Variants in MAGI2 observed in about 807,000 individuals in gnomAD.
MAGI2 encodes the protein membrane-associated guanylate kinase, WW and PDZ domain-containing protein 2.
Under a neutral mutation model 133.3 loss-of-function variants are expected in MAGI2, and 35 were observed. That is an observed-to-expected ratio of 0.26 (90% CI 0.20 to 0.35). MAGI2 has a LOEUF of 0.35. Among genes scored for constraint, MAGI2 ranks in the 10% least tolerant of loss-of-function variants. The pLI is 1.00. For synonymous variants in MAGI2, 729 were observed against 710.6 expected (o/e 1.03, Z -0.41); for missense variants, 1,636 against 1,863.4 (o/e 0.88, Z 2.25).
rs540600827 is a variant in MAGI2, at chr7:78,223,962, AC to A, written c.2048-22770del. Among the ~76,000 whole-genome samples, 427 of 152,310 alleles carry A rather than the reference AC, an allele frequency of 2.8e-3. 1 individual carries two copies. The highest frequency in any genetic ancestry group is 5.0e-3 in the Non-Finnish European group (343 of 68,022). ...CCATGTTTAAGCTTACCGACTTGGT[AC>A]AATTGACTTGCAGAAGCAATTGCTC... On this transcript the variant is annotated intron_variant, in intron 10 of 21. Coordinates refer to ENST00000354212, the MANE Select transcript of MAGI2 (RefSeq NM_012301.4).
At chr7:78,618,584 G>A (rs138064455) in intron 3 of MAGI2, 150 of 151,940 alleles carry the variant, frequency 9.9e-4, no homozygotes, top group African/African-American at 3.4e-3. Flanking sequence ...TTTTCTGGGT[G>A]AATTTTTGAC....
At chr7:78,228,566 C>T (rs1254495433) in intron 10 of MAGI2, among the ~76,000 whole-genome samples, 2 of 152,188 alleles carry the variant, frequency 1.3e-5, no homozygotes, top group Non-Finnish European at 2.9e-5. Flanking sequence ...ACAGCAGAGA[C>T]TCCATGCTTT....
chr7:78,765,925 G>T (rs1824978514), intron 2 of MAGI2, among the ~76,000 whole-genome samples: 1 of 152,224 alleles, frequency 6.6e-6, no homozygotes, highest in Admixed American at 6.5e-5. Context: ...ATGTGTTCCA[G>T]CAGAGGCACC....
At chr7:78,204,517 T>C (rs1011549344) in intron 10 of MAGI2, among the ~76,000 whole-genome samples, 4 of 152,182 alleles carry the variant, frequency 2.6e-5, no homozygotes, top group Non-Finnish European at 5.9e-5. Context: ...TTTAAAATAA[T>C]AGTAATAGTA....
intron 14 of MAGI2, 143 bp from the exon 15 acceptor site, chr7:78,168,251 G>A: frequency 4.6e-6 from 3 of 645,338 alleles, no homozygotes; most frequent in South Asian, 4.2e-5. Context: ...TGCCTCCCAG[G>A]TTCACGCCAT....
At chr7:79,297,575 T>A (rs1050592941) in intron 1 of MAGI2, among the ~76,000 whole-genome samples, 3 of 152,196 alleles carry the variant, frequency 2.0e-5, no homozygotes, top group Non-Finnish European at 4.4e-5. Context: ...ACTCTTCTAG[T>A]TGATGGGAAC....
intron 3 of MAGI2, among the ~76,000 whole-genome samples, chr7:78,536,689 T>C (rs541186367): frequency 2.0e-5 from 3 of 152,214 alleles, no homozygotes; most frequent in Non-Finnish European, 2.9e-5. Flanking sequence ...TGGACATATC[T>C]AAATTTGCTC....
intron 3 of MAGI2, among the ~76,000 whole-genome samples, chr7:78,574,187 T>G (rs1802031299): frequency 1.3e-5 from 2 of 152,180 alleles, no homozygotes; most frequent in Non-Finnish European, 2.9e-5. Context: ...CAAGCCCCAG[T>G]GCCTCCAGTT....
intron 1 of MAGI2, among the ~76,000 whole-genome samples, chr7:79,398,865 C>G (rs949204659): frequency 2.0e-5 from 3 of 151,994 alleles, no homozygotes; most frequent in Admixed American, 2.0e-4. Flanking sequence ...TAGCAAAATA[C>G]AGATGTAAGG....
chr7:78,340,981 A>G (rs1036532592), intron 9 of MAGI2, among the ~76,000 whole-genome samples: 9 of 152,222 alleles, frequency 5.9e-5, no homozygotes, highest in Non-Finnish European at 1.2e-4. Flanking sequence ...AGAAAGAAAT[A>G]AAGCGCATTC....
chr7:78,263,453 G>A (rs983579757), intron 9 of MAGI2, among the ~76,000 whole-genome samples: 2 of 152,026 alleles, frequency 1.3e-5, no homozygotes, highest in African/African-American at 4.8e-5. Context: ...CTCTTAGCTG[G>A]GCTCCCTGAT....
chr7:79,333,281 C>T (rs901252026), intron 1 of MAGI2, among the ~76,000 whole-genome samples: 1 of 152,126 alleles, frequency 6.6e-6, no homozygotes, highest in South Asian at 2.1e-4. Flanking sequence ...GCACGTGCCA[C>T]CATGCCCAGC....
At chr7:78,948,814 A>T (rs993343417) in intron 2 of MAGI2, among the ~76,000 whole-genome samples, 1 of 152,064 alleles carries the variant, frequency 6.6e-6, no homozygotes, top group African/African-American at 2.4e-5. Context: ...CTCAATACGA[A>T]CATATCACAT....
intron 3 of MAGI2, among the ~76,000 whole-genome samples, chr7:78,543,560 T>C (rs1457353166): frequency 1.3e-5 from 2 of 152,208 alleles, no homozygotes; most frequent in Non-Finnish European, 2.9e-5. Context: ...ACTCTCTCCA[T>C]AGAAAAGGGC....
chr7:79,059,015 T>C (rs1476175398), intron 1 of MAGI2, among the ~76,000 whole-genome samples: 2 of 151,680 alleles, frequency 1.3e-5, no homozygotes, highest in Non-Finnish European at 2.9e-5. Flanking sequence ...TAAATAGGAG[T>C]TGTTAACATA....
At chr7:78,830,530 T>G (rs1457459947) in intron 2 of MAGI2, among the ~76,000 whole-genome samples, 2 of 152,354 alleles carry the variant, frequency 1.3e-5, no homozygotes, top group African/African-American at 4.8e-5. Flanking sequence ...AATTTGCTCA[T>G]ATTCACTTTT....
intron 1 of MAGI2, among the ~76,000 whole-genome samples, chr7:79,037,534 T>C (rs545827203): frequency 6.6e-6 from 1 of 152,222 alleles, no homozygotes; most frequent in Non-Finnish European, 1.5e-5. Context: ...GGGAAGAATT[T>C]TATGCTTGTT....
At chr7:79,131,580 A>G (rs1820939909) in intron 1 of MAGI2, among the ~76,000 whole-genome samples, 1 of 152,218 alleles carries the variant, frequency 6.6e-6, no homozygotes, top group African/African-American at 2.4e-5. Context: ...AGCTCTGTCA[A>G]GCTGAGAAAT....
rs1479129484 is a variant in MAGI2 at position 78,185,658 on chromosome 7, G to C, written c.2282C>G (p.Pro761Arg). 1 of 1,584,460 alleles carries C rather than the reference G, an allele frequency of 6.3e-7. No individual in the cohort carries two copies. Among genetic ancestry groups the C allele is most frequent in the East Asian group, 2.2e-5 (1 of 44,488 alleles). Residue 761 changes from proline (P) to arginine (R), a missense_variant, in exon 13 of 22, where the codon CCC (proline) becomes CGC (arginine). Coordinates refer to ENST00000354212, the MANE Select transcript of MAGI2 (RefSeq NM_012301.4). ...GGAATCCATTCGAAAACTGGTCCTGGGTGGCACTTGTTCTGGATGGGAAAA... is the reference window on the plus strand; with the variant it reads ...GGAATCCATTCGAAAACTGGTCCTGCGTGGCACTTGTTCTGGATGGGAAAA... Reference protein sequence around the residue: ...AIYESRQQVPPRTSFRMDSSG... With the variant: ...AIYESRQQVPRRTSFRMDSSG...
Sources: allele counts gnomAD v4.1 joint callset (sites outside exome capture counted in the v4.1 genomes callset), GRCh38; gene constraint gnomAD v4.1.1; transcripts MANE v1.5; gene names NCBI Gene and HGNC (gene_info 2026-07-23, HGNC 2026-07-21).